MYO1E: variants seen among roughly 807,000 people sequenced by gnomAD.
MYO1E encodes the protein unconventional myosin-Ie.
In MYO1E, 68 loss-of-function variants were observed where a neutral mutation model predicts 151.1. That is an observed-to-expected ratio of 0.45 (90% CI 0.37 to 0.55). The LOEUF (loss-of-function observed/expected upper bound fraction) is 0.55. MYO1E is among the 20% of genes least tolerant of loss of function. The probability of loss-of-function intolerance (pLI) is 0.00; values close to 1 mark genes in which losing one functional copy is unlikely to be tolerated. For synonymous variants in MYO1E, 601 were observed against 501.7 expected (o/e 1.20, Z -2.64); for missense variants, 1,363 against 1,389.3 (o/e 0.98, Z 0.30).
intron 4 of MYO1E, among the ~76,000 whole-genome samples, chr15:59,237,763 G>C (rs1391330426): frequency 6.6e-6 from 1 of 152,166 alleles, no homozygotes; most frequent in African/African-American, 2.4e-5. Flanking sequence ...TTTGCTTGGG[G>C]AACAACCAAG....
chr15:59,277,143 C>A (rs1358495335), intron 1 of MYO1E, among the ~76,000 whole-genome samples: 1 of 152,224 alleles, frequency 6.6e-6, no homozygotes, highest in Non-Finnish European at 1.5e-5. Flanking sequence ...AATACTCTTA[C>A]AAACTTCTAC....
At chr15:59,173,666 A>G (rs2079608229) in intron 21 of MYO1E, 80 bp downstream of exon 21, 2 of 1,559,096 alleles carry the variant, frequency 1.3e-6, no homozygotes, top group Non-Finnish European at 1.8e-6. Flanking sequence ...TGATTTGGTA[A>G]CAACAAAAGC....
At chr15:59,141,641 T>C (rs1277284862) in intron 26 of MYO1E, among the ~76,000 whole-genome samples, 1 of 150,926 alleles carries the variant, frequency 6.6e-6, no homozygotes, top group African/African-American at 2.4e-5. Context: ...CTACTGAAAA[T>C]ACAGACGGTA....
intron 22 of MYO1E, among the ~76,000 whole-genome samples, chr15:59,167,318 T>C (rs1408613040): frequency 6.6e-6 from 1 of 152,106 alleles, no homozygotes; most frequent in Non-Finnish European, 1.5e-5. Context: ...ATCCTTCTGG[T>C]GATCAGCCAC....
rs1440900975 is a variant in MYO1E at position 59,224,711 on chromosome 15, C to T, written c.755G>A (p.Arg252Lys). Residue 252 changes from arginine to lysine, a missense_variant, in exon 8 of 28, where the codon AGG (arginine) becomes AAG (lysine). Arg to Lys is a conservative substitution (Grantham distance 26). Transcript: ENST00000288235. ...GSYKVDDIDD[R>K]REFQETLHAM... ...TACCAGAGTTTCCTGAAACTCCCGC[C>T]TGTCGTCAATGTCATCAACCTTGTA... The T allele has an allele frequency of 1.2e-6, 2 of 1,613,428 alleles. No homozygotes were observed. The highest frequency in any genetic ancestry group is 1.7e-6 in the Non-Finnish European group (2 of 1,179,286).
intron 7 of MYO1E, among the ~76,000 whole-genome samples, chr15:59,225,948 G>T (rs1420857368): frequency 2.6e-5 from 4 of 152,126 alleles, no homozygotes; most frequent in Non-Finnish European, 4.4e-5. Flanking sequence ...ACCCAGCCAA[G>T]AATTACTTTC....
chr15:59,137,174 G>T lies in MYO1E; in HGVS notation c.*206C>A. Reference sequence around the variant, plus strand: ...TTGTCCTCCTGGGTTCCTATGAAGAGGCTACCTTTTAGGATCACTTATGGA... The same window carrying T: ...TTGTCCTCCTGGGTTCCTATGAAGATGCTACCTTTTAGGATCACTTATGGA... On this transcript the variant is annotated 3_prime_UTR_variant, in exon 28 of 28. Transcript: ENST00000288235. The T allele has an allele frequency of 1.7e-6, 1 of 595,216 alleles. No homozygotes were observed. Among genetic ancestry groups the T allele is most frequent in the South Asian group, 2.0e-5 (1 of 50,826 alleles). The allele number at this position is 595,216 out of a possible 1,614,324, so 36.9% of individuals were successfully genotyped here.
intron 9 of MYO1E, 46 bp from the exon 10 acceptor site, chr15:59,218,133 A>G (rs2079931474): frequency 6.3e-7 from 1 of 1,599,928 alleles, no homozygotes; most frequent in East Asian, 2.2e-5. Flanking sequence ...GAATTGTGAC[A>G]CTTCCAAGTC....
chr15:59,143,592 G>A (rs1404872968), intron 26 of MYO1E, among the ~76,000 whole-genome samples: 1 of 152,202 alleles, frequency 6.6e-6, no homozygotes, highest in African/African-American at 2.4e-5. Context: ...GCCGGTAGCT[G>A]TGTGAAGTCT....
intron 4 of MYO1E, among the ~76,000 whole-genome samples, chr15:59,245,481 G>A (rs1322298280): frequency 2.0e-5 from 3 of 151,940 alleles, no homozygotes; most frequent in African/African-American, 4.8e-5. Context: ...AATATCTCTC[G>A]CCTCTATTTA....
chr15:59,150,988 T>C (rs1370584396), intron 26 of MYO1E, among the ~76,000 whole-genome samples: 1 of 134,306 alleles, frequency 7.4e-6, no homozygotes, highest in East Asian at 2.2e-4. Flanking sequence ...GACTGGGGGG[T>C]AGTGGAAGGG....
chr15:59,143,029 C>G (rs1347372036), intron 26 of MYO1E, among the ~76,000 whole-genome samples: 1 of 151,448 alleles, frequency 6.6e-6, no homozygotes, highest in Non-Finnish European at 1.5e-5. Flanking sequence ...TAAATAAGAC[C>G]TAAGGGGATG....
intron 1 of MYO1E, among the ~76,000 whole-genome samples, chr15:59,294,098 TC>T (rs2080435472): frequency 6.6e-6 from 1 of 152,210 alleles, no homozygotes; most frequent in Admixed American, 6.5e-5. Context: ...GATACTCAGT[TC>T]CCACTGGAAA....
rs929005690 is a variant in MYO1E, at chr15:59,158,361, G to C, written c.2804C>G (p.Thr935Ser). The C allele has an allele frequency of 1.9e-6, 3 of 1,566,856 alleles. No individual in the cohort carries two copies. Among genetic ancestry groups the C allele is most frequent in the Admixed American group, 1.8e-5 (1 of 54,234 alleles). ...ACTGGAATAACCTGTATTTTGGGTAGTGTTCCTTCTGGTAGGACCTGAAAT... is the reference window on the plus strand; with the variant it reads ...ACTGGAATAACCTGTATTTTGGGTACTGTTCCTTCTGGTAGGACCTGAAAT... ...PKNSRPTRRN[T>S]TQNTGYSSGT... Residue 935 changes from threonine (T) to serine (S), a missense_variant, in exon 25 of 28, where the codon ACT becomes AGT. Physicochemically the swap from Thr to Ser is moderately conservative, Grantham distance 58 (BLOSUM62 1). Coordinates refer to ENST00000288235, the MANE Select transcript of MYO1E (RefSeq NM_004998.4).
intron 22 of MYO1E, 94 bp from the exon 23 acceptor site, chr15:59,163,397 T>C (rs1440004699): frequency 1.2e-5 from 16 of 1,298,344 alleles, no homozygotes; most frequent in South Asian, 2.6e-5. Context: ...TCCTGCAAGA[T>C]AGTGCTAAGA....
intron 1 of MYO1E, among the ~76,000 whole-genome samples, chr15:59,331,377 C>T (rs7183561): frequency 0.33 from 49,818 of 151,898 alleles, 9,151 homozygotes; most frequent in East Asian, 0.76. Flanking sequence ...GGAAACATCT[C>T]TGAACTAAGG....
intron 4 of MYO1E, among the ~76,000 whole-genome samples, chr15:59,237,957 C>T (rs1255014597): frequency 6.6e-6 from 1 of 152,146 alleles, no homozygotes. Flanking sequence ...CGGGAACCAT[C>T]CTCTGTTCAG....
intron 18 of MYO1E, among the ~76,000 whole-genome samples, chr15:59,184,120 C>T (rs1218888466): frequency 1.3e-5 from 2 of 152,158 alleles, no homozygotes; most frequent in Non-Finnish European, 2.9e-5. Flanking sequence ...AATCCTTTCA[C>T]CTCAGCCTCC....
intron 5 of MYO1E, among the ~76,000 whole-genome samples, chr15:59,236,369 TACACACACACACAC>T (rs56164138): frequency 0.027 from 3,216 of 117,746 alleles, 137 homozygotes; most frequent in African/African-American, 0.051. Context: ...AAAAAATATA[TACACACACACACAC>T]ACACACACAC....
Sources: gnomAD v4.1 joint callset for allele counts (sites outside exome capture counted in the v4.1 genomes callset) on GRCh38, gnomAD v4.1.1 for gene constraint, MANE v1.5 for transcripts, NCBI Gene and HGNC (gene_info 2026-07-23, HGNC 2026-07-21) for gene names.